ARL16: variants seen among roughly 807,000 people sequenced by gnomAD.
ARL16 encodes the protein ARF like GTPase 16.
ARL16 carries 21 observed loss-of-function variants against 14.1 expected under a neutral mutation model. That is an observed-to-expected ratio of 1.48 (90% CI 1.05 to 2.14). The LOEUF (loss-of-function observed/expected upper bound fraction) is 2.14. Ranked by LOEUF, ARL16 falls within the 30% of genes most tolerant of loss-of-function variation. The pLI is 0.00. For synonymous variants in ARL16, 122 were observed against 91.8 expected, an observed-to-expected ratio of 1.33 and a Z score of -1.88; for missense variants, 248 against 222.0, an observed-to-expected ratio of 1.12 and a Z score of -0.74.
chr17:81,681,807 G>A lies in ARL16; in HGVS notation c.423C>T (p.Ala141=). 1 of 1,612,972 alleles carries A rather than the reference G, an allele frequency of 6.2e-7. No homozygotes were observed. Among genetic ancestry groups the A allele is most frequent in the Non-Finnish European group, 8.5e-7 (1 of 1,179,722 alleles). ...TTTCTGCCGTGGTGATGTTCTGCTTGGCACAAGCAATGATGTCTGGAAGCC... is the reference window on the plus strand; with the variant it reads ...TTTCTGCCGTGGTGATGTTCTGCTTAGCACAAGCAATGATGTCTGGAAGCC... ...LIRLPDIIAC[A]KQNITTAEIS... is the part of the protein sequence containing the mutation. Residue 141 remains alanine (A), a synonymous_variant, in exon 5 of 5, where the codon GCC becomes GCT. Transcript: ENST00000622299.
chr17:81,681,790 GT>G lies in ARL16; in HGVS notation c.439del (p.Thr147ArgfsTer12). 2 of 1,612,406 alleles carry G rather than the reference GT, an allele frequency of 1.2e-6. No individual in the cohort carries two copies. The highest frequency in any genetic ancestry group is 1.7e-6 in the Non-Finnish European group (2 of 1,179,458). On this transcript the variant is annotated frameshift_variant, in exon 5 of 5. Transcript: ENST00000622299. LOFTEE classifies it low-confidence loss of function (END_TRUNC). The stretch of plus-strand genomic sequence containing the variant: ...GCCTTCACGGGCGCTGATTTCTGCC[GT>G]GGTGATGTTCTGCTTGGCACAAGCA... ...IIACAKQNIT[T>X]AEISAREGTG... is the part of the protein sequence containing the mutation.
chr17:81,683,737 C>T lies in ARL16; in HGVS notation c.17G>A (p.Gly6Glu), dbSNP rs764416489. ...CAGCGTCTTCCCGACGCCCGTGGCC[C>T]CCAGCAGGAGACACATTCCGTGCTT... The part of the protein sequence containing the change: MCLLL[G>E]ATGVGKTLLV... The change falls in exon 1 of 5, where the codon GGG becomes GAG. Residue 6 changes from glycine (G) to glutamate (E), a missense_variant. Transcript: ENST00000622299. 3 of 1,608,196 alleles carry T rather than the reference C, an allele frequency of 1.9e-6. No homozygotes were observed. The highest frequency in any genetic ancestry group is 2.2e-5 in the East Asian group (1 of 44,776).
rs748934687 is a variant in ARL16, at chr17:81,683,702, G to T, written c.52C>A (p.Arg18=). The part of the protein sequence containing the change: ...TGVGKTLLVK[R]LQEVSSRDGK... ...CCGCGCGGAAGGATATCCTGCAGCCGTTTCACCAGCAGCGTCTTCCCGACG... is the reference window on the plus strand; with the variant it reads ...CCGCGCGGAAGGATATCCTGCAGCCTTTTCACCAGCAGCGTCTTCCCGACG... The change falls in exon 1 of 5, where the codon CGG becomes AGG. Residue 18 remains arginine (R), a synonymous_variant. Transcript: ENST00000622299. 6.9e-6 allele frequency: 11 copies of T among 1,605,602 alleles called. No individual in the cohort carries two copies. The South Asian group carries it at 1.1e-4, about 16-fold the overall frequency.
In ARL16 at chr17:81,681,864, G is replaced by A. The variant is rs377157775; in HGVS notation, c.366C>T (p.Tyr122=). The A allele has an allele frequency of 1.2e-5, 19 of 1,612,736 alleles. No homozygotes were observed. In the African/African-American group the frequency reaches 2.1e-4, roughly 18 times the overall value. ...ILFNKIDLPC[Y]MSTEEMKSLI... ...ATGACTTCATCTCCTCCGTGGACATGTAACAGGGTAGGTCGCTGGAGAGAA... is the reference window on the plus strand; with the variant it reads ...ATGACTTCATCTCCTCCGTGGACATATAACAGGGTAGGTCGCTGGAGAGAA... Residue 122 remains tyrosine (Y), a synonymous_variant, in exon 5 of 5, where the codon TAC becomes TAT. Transcript: ENST00000622299.
rs776406590 is a variant in ARL16 at position 81,683,570 on chromosome 17, C to G, written c.86G>C (p.Gly29Ala). Residue 29 changes from glycine (G) to alanine (A), a missense_variant, in exon 2 of 5, where the codon GGC (glycine) becomes GCC (alanine). Physicochemically the swap from Gly to Ala is moderately conservative, Grantham distance 60. Transcript: ENST00000622299. ...LQEVSSRDGK[G>A]DLGEPPPTRP... is the part of the protein sequence containing the mutation. ...TGTCGGGGGCGGCTCCCCCAGGTCG[C>G]CTTTCCCATCCCGGGAGCTCACCTG... 6.2e-7 allele frequency: 1 copy of G among 1,602,730 alleles called. No homozygotes were observed. The highest frequency in any genetic ancestry group is 1.1e-5 in the South Asian group (1 of 89,558).
At chr17:81,681,970 T>C in intron 4 of ARL16, 64 bp downstream of exon 4, 1 of 1,565,366 alleles carries the variant, frequency 6.4e-7, no homozygotes, top group Non-Finnish European at 8.7e-7. Flanking sequence ...GAGCCATGCT[T>C]CCGGCTGTAA....
Position 81,683,554 on chromosome 17 carries a change from C to T in ARL16, c.102G>A (p.Pro34=). The T allele has an allele frequency of 6.3e-7, 1 of 1,594,878 alleles. No homozygotes were observed. Among genetic ancestry groups the T allele is most frequent in the Non-Finnish European group, 8.5e-7 (1 of 1,172,888 alleles). The change falls in exon 2 of 5, where the codon CCG becomes CCA. Residue 34 remains proline (P), a synonymous_variant. Coordinates refer to ENST00000622299, the MANE Select transcript of ARL16 (RefSeq NM_001040025.3). The part of the protein sequence containing the change: ...SRDGKGDLGE[P]PPTRPTVGTN... ...CACCTACCGTGGGCCGTGTCGGGGG[C>T]GGCTCCCCCAGGTCGCCTTTCCCAT...
At chr17:81,681,963 C>G (rs1422332581) in intron 4 of ARL16, 71 bp downstream of exon 4, 1 of 1,563,808 alleles carries the variant, frequency 6.4e-7, no homozygotes, top group Non-Finnish European at 8.7e-7. Context: ...CCCTACCGAG[C>G]CATGCTTCCG....
chr17:81,682,273 G>A, intron 3 of ARL16, 124 bp from the exon 4 acceptor site: 1 of 720,500 alleles, frequency 1.4e-6, no homozygotes, highest in Non-Finnish European at 2.2e-6. Flanking sequence ...TTTTTGAGAC[G>A]AAGTCTCGCT....
intron 3 of ARL16, chr17:81,682,738 G>A (rs1411687934): frequency 4.1e-6 from 2 of 488,534 alleles, no homozygotes; most frequent in African/African-American, 2.0e-5. Flanking sequence ...ACGTACCGGG[G>A]AGTGACACAG....
chr17:81,682,099 C>A lies in ARL16; in HGVS notation c.285G>T (p.Gln95His). 1.2e-6 allele frequency: 2 copies of A among 1,613,160 alleles called. No homozygotes were observed. The highest frequency in any genetic ancestry group is 1.7e-6 in the Non-Finnish European group (2 of 1,179,666). Residue 95 changes from glutamine (Q) to histidine (H), a missense_variant, in exon 4 of 5, where the codon CAG becomes CAT. Physicochemically the swap from Gln to His is conservative, Grantham distance 24. Transcript: ENST00000622299. Reference sequence around the variant, plus strand: ...GTTCTGCAGAAAGGAGACCTAAGAGCTGCACACAGGATGCAGAGAGCTGGG... The same window carrying A: ...GTTCTGCAGAAAGGAGACCTAAGAGATGCACACAGGATGCAGAGAGCTGGG... ...DPTQLSASCV[Q>H]LLGLLSAEQL... is the part of the protein sequence containing the mutation.
In ARL16 at chr17:81,683,112, A is replaced by G; in HGVS notation, c.135T>C (p.Leu45=). 6.2e-7 allele frequency: 1 copy of G among 1,609,866 alleles called. No homozygotes were observed. The highest frequency in any genetic ancestry group is 1.7e-5 in the Admixed American group (1 of 58,864). The change falls in exon 3 of 5, where the codon CTT becomes CTC. Residue 45 remains leucine (L), a synonymous_variant. Transcript: ENST00000622299. ...PPTRPTVGTN[L]TDIVAQRKIT... is the part of the protein sequence containing the mutation. The stretch of plus-strand genomic sequence containing the variant: ...TCTTTCTCTGTGCCACGATGTCAGT[A>G]AGATTGGTGCCCACCTATAGGAAAA...
chr17:81,683,420 G>C (rs1598740313), intron 2 of ARL16, 116 bp downstream of exon 2: 12 of 1,319,144 alleles, frequency 9.1e-6, no homozygotes, highest in Non-Finnish European at 1.1e-5. Context: ...CCGAAGGCTG[G>C]CCTTAAGTCA....
intron 3 of ARL16, chr17:81,682,456 A>G (rs1265204545): frequency 9.3e-6 from 2 of 215,118 alleles, no homozygotes; most frequent in Non-Finnish European, 1.9e-5. Flanking sequence ...GTTAGTCAGG[A>G]TGGTCTCCAT....
rs1041395355 is a variant in ARL16 at position 81,681,669 on chromosome 17, C to T, written c.*39G>A. On this transcript the variant is annotated 3_prime_UTR_variant, in exon 5 of 5. Coordinates refer to ENST00000622299, the MANE Select transcript of ARL16 (RefSeq NM_001040025.3). The stretch of plus-strand genomic sequence containing the variant: ...GCAAAGCCATACTGCCCTCTGCCAC[C>T]TCTCCCCAGCTCAGGCCAGCTGCGC... 4.5e-6 allele frequency: 7 copies of T among 1,542,284 alleles called. No individual in the cohort carries two copies. The African/African-American group carries it at 8.2e-5, about 18-fold the overall frequency.
At chr17:81,682,397 C>G in intron 3 of ARL16, 1 of 318,456 alleles carries the variant, frequency 3.1e-6, no homozygotes. Context: ...CACCCGCCAC[C>G]ACGCCTGGCT....
chr17:81,682,986 G>T, intron 3 of ARL16, 27 bp downstream of exon 3: 3 of 1,580,172 alleles, frequency 1.9e-6, no homozygotes, highest in Non-Finnish European at 2.6e-6. Flanking sequence ...CTTCCCTAAA[G>T]GAAGCCCATA....
At chr17:81,682,866 G>A (rs2036878004) in intron 3 of ARL16, 147 bp downstream of exon 3, 3 of 712,790 alleles carry the variant, frequency 4.2e-6, no homozygotes, top group South Asian at 1.8e-5. Context: ...CCAGCAGGAA[G>A]CAACACTAGC....
rs1482649654 is a variant in ARL16 at position 81,682,155 on chromosome 17, G to T, written c.235-6C>A. The T allele has an allele frequency of 1.9e-6, 3 of 1,585,896 alleles. No individual in the cohort carries two copies. The highest frequency in any genetic ancestry group is 2.6e-6 in the Non-Finnish European group (3 of 1,165,754). Reference sequence around the variant, plus strand: ...TCAGAGGCGTCCATCACAAACTGGGGAAAAAGAAAAAGACAGCAGCAATGC... The same window carrying T: ...TCAGAGGCGTCCATCACAAACTGGGTAAAAAGAAAAAGACAGCAGCAATGC... On this transcript the variant is annotated splice_region_variant and splice_polypyrimidine_tract_variant and intron_variant, in intron 3 of 4. Coordinates refer to ENST00000622299, the MANE Select transcript of ARL16 (RefSeq NM_001040025.3).
Sources: allele counts gnomAD v4.1 joint callset, GRCh38; gene constraint gnomAD v4.1.1; transcripts MANE v1.5; gene names NCBI Gene and HGNC (gene_info 2026-07-23, HGNC 2026-07-21).